Variants in MIER3 observed in about 807,000 individuals in gnomAD.
MIER3 encodes the protein MIER family member 3.
Under a neutral mutation model 63.2 loss-of-function variants are expected in MIER3, and 9 were observed. That is an observed-to-expected ratio of 0.14 (90% confidence interval 0.09 to 0.25). The LOEUF is 0.25. Among genes scored for constraint, MIER3 ranks in the 10% least tolerant of loss-of-function variants. The probability of loss-of-function intolerance (pLI) is 1.00; values close to 1 mark genes in which losing one functional copy is unlikely to be tolerated. For missense variants in MIER3, 512 were observed against 666.2 expected (o/e 0.77, Z 2.55); for synonymous variants, 205 against 224.9 (o/e 0.91, Z 0.79).
At chr5:56,944,908 G>A (rs1561245203) in intron 3 of MIER3, among the ~76,000 whole-genome samples, 1 of 136,862 alleles carries the variant, frequency 7.3e-6, no homozygotes, top group East Asian at 2.8e-4. Context: ...TGTGGCCCAG[G>A]CTGGTCTCAG....
intron 3 of MIER3, among the ~76,000 whole-genome samples, chr5:56,942,668 G>T (rs1360104808): frequency 6.6e-6 from 1 of 152,046 alleles, no homozygotes; most frequent in Non-Finnish European, 1.5e-5. Flanking sequence ...TGCGGGCAAA[G>T]AAAGAAAAGA....
Position 56,941,104 on chromosome 5 carries a change from A to T in MIER3, c.181-2087T>A, listed in dbSNP as rs531958983. The T allele has an allele frequency of 1.2e-3, 1,191 of 985,470 alleles. 3 individuals carry two copies. Among genetic ancestry groups the T allele is most frequent in the Non-Finnish European group, 1.3e-3 (1,119 of 829,948 alleles). The allele number at this position is 985,470 out of a possible 1,614,324, so 61.0% of individuals were successfully genotyped here. ...TGGACATACAAATGAAATTTACTGA[A>T]GAATCCCTGCTCACAAGGAATTCAG... On this transcript the variant is annotated intron_variant, in intron 3 of 12. Coordinates refer to ENST00000381199, the MANE Select transcript of MIER3 (RefSeq NM_001297599.2).
At chr5:56,944,907 G>C (rs953474056) in intron 3 of MIER3, among the ~76,000 whole-genome samples, 2 of 137,856 alleles carry the variant, frequency 1.5e-5, no homozygotes, top group African/African-American at 5.5e-5. Context: ...ATGTGGCCCA[G>C]GCTGGTCTCA....
intron 3 of MIER3, among the ~76,000 whole-genome samples, chr5:56,946,211 G>T (rs1302590345): frequency 2.6e-5 from 4 of 152,168 alleles, no homozygotes; most frequent in African/African-American, 7.2e-5. Flanking sequence ...CAGGGGATAA[G>T]TATCATTTCT....
intron 1 of MIER3, among the ~76,000 whole-genome samples, chr5:56,950,921 A>C (rs923083913): frequency 6.6e-6 from 1 of 152,116 alleles, no homozygotes; most frequent in African/African-American, 2.4e-5. Flanking sequence ...CTTGGAGCTC[A>C]GCAAGTTTCC....
chr5:56,947,039 C>A lies in MIER3; in HGVS notation c.67G>T (p.Asp23Tyr), dbSNP rs754773189. The A allele has an allele frequency of 5.6e-6, 9 of 1,609,202 alleles. No homozygotes were observed. Among genetic ancestry groups the A allele is most frequent in the Admixed American group, 1.7e-5 (1 of 58,926 alleles). Residue 23 changes from aspartate (D) to tyrosine (Y), a missense_variant, in exon 3 of 13, where the codon GAC becomes TAC. Physicochemically the swap from Asp to Tyr is radical, Grantham distance 160. Coordinates refer to ENST00000381199, the MANE Select transcript of MIER3 (RefSeq NM_001297599.2). ...TGGACCAACATCTCAGCAGTGGGGT[C>A]AAAATCATGATCCTCAGAAGACAAA... ...GSLSSEDHDF[D>Y]PTAEMLVHDY...
Position 56,923,736 on chromosome 5 carries a change from G to C in MIER3, c.1150C>G (p.Gln384Glu). Reference protein sequence around the residue: ...TSNRPEPIPDQQLNILNSFTA... With the variant: ...TSNRPEPIPDEQLNILNSFTA... ...AAGGAGTTGAGAATGTTTAGCTGTTGATCAGGAATAGGCTCAGGCCGGTTA... is the reference window on the plus strand; with the variant it reads ...AAGGAGTTGAGAATGTTTAGCTGTTCATCAGGAATAGGCTCAGGCCGGTTA... Residue 384 changes from glutamine to glutamate, a missense_variant, in exon 12 of 13, where the codon CAA becomes GAA. Around this residue, in one of 5 missense-constraint regions of MIER3, gnomAD observed 218 missense variants for 251.2 expected, o/e 0.87. Transcript: ENST00000381199. The C allele has an allele frequency of 2.5e-6, 4 of 1,614,196 alleles. No homozygotes were observed. The highest frequency in any genetic ancestry group is 3.4e-6 in the Non-Finnish European group (4 of 1,180,036).
chr5:56,933,603 C>T (rs1289252193), intron 7 of MIER3, among the ~76,000 whole-genome samples: 1 of 152,174 alleles, frequency 6.6e-6, no homozygotes, highest in Non-Finnish European at 1.5e-5. Context: ...ATTCCAGGGG[C>T]CAAAGCAAGT....
intron 3 of MIER3, among the ~76,000 whole-genome samples, chr5:56,940,360 A>C (rs1750601395): frequency 1.3e-5 from 2 of 152,216 alleles, no homozygotes; most frequent in African/African-American, 4.8e-5. Context: ...GAAAACACTA[A>C]AGCAGAGTGT....
In MIER3 at chr5:56,923,273, A is replaced by G. The variant is rs780491845; in HGVS notation, c.1508T>C (p.Val503Ala). The G allele has an allele frequency of 6.2e-7, 1 of 1,614,152 alleles. No individual in the cohort carries two copies. Among genetic ancestry groups the G allele is most frequent in the South Asian group, 1.1e-5 (1 of 91,078 alleles). ...MNEVSVNNLGVDFENHTHHIT... is the reference protein window; with the variant it reads ...MNEVSVNNLGADFENHTHHIT... The stretch of plus-strand genomic sequence containing the variant: ...GTGATGTGTGTGATTTTCAAAGTCC[A>G]CACCCAGGTTATTTACAGAAACTTC... Residue 503 changes from valine to alanine, a missense_variant, in exon 13 of 13, where the codon GTG becomes GCG. By Grantham distance (64) the Val-to-Ala change is moderately conservative. Coordinates refer to ENST00000381199, the MANE Select transcript of MIER3 (RefSeq NM_001297599.2).
At chr5:56,951,275 C>T (rs1270406147) in intron 1 of MIER3, among the ~76,000 whole-genome samples, 5 of 152,090 alleles carry the variant, frequency 3.3e-5, no homozygotes, top group Admixed American at 6.5e-5. Context: ...TCAGTCCCTC[C>T]CTGGACCGTC....
chr5:56,923,506 G>A lies in MIER3; in HGVS notation c.1275C>T (p.Asn425=), dbSNP rs1466992155. 1.9e-6 allele frequency: 3 copies of A among 1,614,050 alleles called. No individual in the cohort carries two copies. Among genetic ancestry groups the A allele is most frequent in the Admixed American group, 3.3e-5 (2 of 59,984 alleles). ...CATGATTAACTTGTCCACGGGGTGT[G>A]TTGCCCAGTGGAGGAAAGCTATCAT... The part of the protein sequence containing the change: ...CLDDSFPPLG[N]TPRGQVNHVP... Residue 425 remains asparagine (N), a synonymous_variant, in exon 13 of 13, where the codon AAC becomes AAT. Coordinates refer to ENST00000381199, the MANE Select transcript of MIER3 (RefSeq NM_001297599.2).
At chr5:56,927,332 T>C (rs1313724302) in intron 10 of MIER3, among the ~76,000 whole-genome samples, 1 of 152,048 alleles carries the variant, frequency 6.6e-6, no homozygotes, top group African/African-American at 2.4e-5. Context: ...ATAATAACTA[T>C]AGGAGTGGAA....
chr5:56,935,143 G>A (rs183827077), intron 7 of MIER3, among the ~76,000 whole-genome samples: 17 of 152,228 alleles, frequency 1.1e-4, no homozygotes, highest in Admixed American at 7.8e-4. Context: ...TGAAGGCCAA[G>A]GTACAGCACC....
intron 5 of MIER3, among the ~76,000 whole-genome samples, chr5:56,937,318 C>A (rs985129818): frequency 6.6e-6 from 1 of 152,142 alleles, no homozygotes; most frequent in Non-Finnish European, 1.5e-5. Flanking sequence ...CTCAAGTGAT[C>A]TGTCTGCCTC....
rs1750487629 is a variant in MIER3 at position 56,937,474 on chromosome 5, A to G, written c.436+104T>C. On this transcript the variant is annotated intron_variant, in intron 5 of 12. Transcript: ENST00000381199. ...TATAGAAGTATTTTATCTCAACCAC[A>G]TAAAATATTAGAATATTCTGACACA... 3.4e-6 allele frequency: 4 copies of G among 1,167,958 alleles called. No individual in the cohort carries two copies. In the East Asian group the frequency reaches 1.1e-4, roughly 32 times the overall value. The allele number at this position is 1,167,958 out of a possible 1,614,324, so 72.3% of individuals were successfully genotyped here. A position where few individuals can be genotyped will look rare whatever the true frequency, so the allele number is the denominator to read the frequency against.
intron 8 of MIER3, among the ~76,000 whole-genome samples, chr5:56,932,637 T>A (rs1267655228): frequency 6.6e-6 from 1 of 152,190 alleles, no homozygotes; most frequent in Non-Finnish European, 1.5e-5. Flanking sequence ...AAAAGCTTAA[T>A]AGGCAATGTT....
chr5:56,934,278 G>A (rs1382829813), intron 7 of MIER3, among the ~76,000 whole-genome samples: 4 of 152,160 alleles, frequency 2.6e-5, no homozygotes, highest in Non-Finnish European at 5.9e-5. Flanking sequence ...TTGCCAGTTA[G>A]AAGGAAAGTT....
intron 3 of MIER3, 87 bp downstream of exon 3, chr5:56,946,839 T>A: frequency 1.9e-6 from 2 of 1,037,892 alleles, no homozygotes; most frequent in Non-Finnish European, 2.7e-6. Context: ...ATTATGATCC[T>A]ATTTTTATTT....
Sources: gnomAD v4.1 joint callset for allele counts (sites outside exome capture counted in the v4.1 genomes callset) on GRCh38, gnomAD v4.1.1 for gene constraint, gnomAD v4.1.1 regional missense constraint, MANE v1.5 for transcripts, NCBI Gene and HGNC (gene_info 2026-07-23, HGNC 2026-07-21) for gene names.